ABCG1: variants seen among roughly 807,000 people sequenced by gnomAD.
The protein encoded by ABCG1 is ATP binding cassette subfamily G member 1.
ABCG1 carries 29 observed loss-of-function variants against 69.2 expected under a neutral mutation model. The ratio of observed to expected loss-of-function variants is 0.42; its 90% CI spans 0.31 to 0.57. The LOEUF (loss-of-function observed/expected upper bound fraction) is 0.57, where lower values mean the gene tolerates loss of function less well. ABCG1 is among the 20% of genes least tolerant of loss of function. The pLI is 0.15. For synonymous variants in ABCG1, 370 were observed against 374.8 expected, an observed-to-expected ratio of 0.99 and a Z score of 0.15; for missense variants, 718 against 898.1, an observed-to-expected ratio of 0.80 and a Z score of 2.56.
intron 2 of ABCG1, among the ~76,000 whole-genome samples, chr21:42,205,451 T>A (rs575037866): frequency 6.6e-6 from 1 of 152,134 alleles, no homozygotes; most frequent in East Asian, 1.9e-4. Context: ...ATACAAAAAT[T>A]AGCTGGGTGT....
intron 1 of ABCG1, among the ~76,000 whole-genome samples, chr21:42,220,297 T>G (rs1287038489): frequency 6.6e-6 from 1 of 152,216 alleles, no homozygotes; most frequent in Non-Finnish European, 1.5e-5. Context: ...AAGCCCACAG[T>G]GCATGGCACG....
At chr21:42,242,826 C>T (rs540499369) in intron 2 of ABCG1, among the ~76,000 whole-genome samples, 14 of 152,270 alleles carry the variant, frequency 9.2e-5, no homozygotes, top group East Asian at 5.8e-4. Context: ...GGCAATCAAG[C>T]GAGCTCCACC....
intron 13 of ABCG1, among the ~76,000 whole-genome samples, chr21:42,293,481 A>G (rs1308247372): frequency 1.4e-5 from 2 of 147,838 alleles, no homozygotes; most frequent in East Asian, 4.1e-4. Flanking sequence ...TACACACCAC[A>G]CCACACACTA....
At chr21:42,230,028 C>T (rs1428517033) in intron 2 of ABCG1, among the ~76,000 whole-genome samples, 4 of 152,162 alleles carry the variant, frequency 2.6e-5, no homozygotes, top group East Asian at 1.9e-4. Context: ...TGAAGTCCTA[C>T]GTAATTATTT....
chr21:42,211,059 A>G (rs1008877615), intron 2 of ABCG1, among the ~76,000 whole-genome samples: 2 of 149,378 alleles, frequency 1.3e-5, no homozygotes, highest in East Asian at 2.0e-4. Flanking sequence ...TCCCAGGTTC[A>G]TGCCATTCTC....
intron 6 of ABCG1, among the ~76,000 whole-genome samples, chr21:42,282,830 G>A (rs887268495): frequency 1.1e-4 from 16 of 152,192 alleles, no homozygotes; most frequent in Admixed American, 3.3e-4. Flanking sequence ...CTGCAGGACA[G>A]GATCCTGCCT....
upstream of ABCG1, among the ~76,000 whole-genome samples, chr21:42,215,451 A>T (rs1383987236): frequency 6.6e-6 from 1 of 152,192 alleles, no homozygotes; most frequent in Admixed American, 6.5e-5. Flanking sequence ...CTTCCCACAG[A>T]CCTAGACTTC....
At chr21:42,260,628 C>G (rs951123877) in intron 2 of ABCG1, among the ~76,000 whole-genome samples, 1 of 152,182 alleles carries the variant, frequency 6.6e-6, no homozygotes, top group African/African-American at 2.4e-5. Context: ...TACTTCCCCT[C>G]TCAGTCTTTG....
intron 2 of ABCG1, among the ~76,000 whole-genome samples, chr21:42,268,945 C>T (rs1287597058): frequency 6.6e-6 from 1 of 152,160 alleles, no homozygotes; most frequent in Non-Finnish European, 1.5e-5. Flanking sequence ...TGAGGGTCAG[C>T]CCCAGGCACT....
chr21:42,294,892 G>C, intron 14 of ABCG1: 1 of 519,840 alleles, frequency 1.9e-6, no homozygotes, highest in Non-Finnish European at 3.5e-6. Context: ...CACCCGGAGA[G>C]CCATGGCAGG....
chr21:42,247,250 G>A (rs1406022820), intron 2 of ABCG1, among the ~76,000 whole-genome samples: 1 of 152,166 alleles, frequency 6.6e-6, no homozygotes, highest in Non-Finnish European at 1.5e-5. Flanking sequence ...CAGTCTTGGG[G>A]AGGAAAAAGT....
chr21:42,275,248 G>T (rs1163988178), intron 4 of ABCG1, among the ~76,000 whole-genome samples: 2 of 152,142 alleles, frequency 1.3e-5, no homozygotes, highest in Non-Finnish European at 2.9e-5. Flanking sequence ...AGGAACCTGT[G>T]GGGCTGTTCC....
intron 2 of ABCG1, among the ~76,000 whole-genome samples, chr21:42,259,828 T>C (rs529174338): frequency 6.6e-6 from 1 of 152,230 alleles, no homozygotes; most frequent in East Asian, 1.9e-4. Context: ...CTCCTCCCTT[T>C]GGATGGAAGA....
Position 42,279,344 on chromosome 21 carries a change from G to A in ABCG1, c.588+2399G>A, listed in dbSNP as rs376691822. 3.5e-4 allele frequency among the ~76,000 whole-genome samples: 53 copies of A among 152,284 alleles called. 1 individual carries two copies. The highest frequency in any genetic ancestry group is 1.1e-3 in the African/African-American group (47 of 41,566). ...AGCAAACGGTGGAGAGGGTCTCGGG[G>A]ATCACCGGAGGCCGGGGGAGCAGAC... On this transcript the variant is annotated intron_variant, in intron 5 of 14. Transcript: ENST00000398449.
chr21:42,294,704 G>A (rs112456569), intron 14 of ABCG1, 44 bp downstream of exon 14: 17,793 of 1,568,034 alleles, frequency 0.011, 148 homozygotes, highest in Non-Finnish European at 0.013. Flanking sequence ...CGAGGGTGAC[G>A]GGGGAAGAAC....
At chr21:42,229,170 T>C (rs1262383532) in intron 2 of ABCG1, among the ~76,000 whole-genome samples, 1 of 152,210 alleles carries the variant, frequency 6.6e-6, no homozygotes, top group African/African-American at 2.4e-5. Context: ...TCACTCTGCA[T>C]TTCTCTCTTC....
In ABCG1 at chr21:42,290,078, A is replaced by G. The variant is rs761163025; in HGVS notation, c.1253A>G (p.His418Arg). ...SVLTHLRITS[H>R]IGIGLLIGLL... The stretch of plus-strand genomic sequence containing the variant: ...CTGACACACCTGCGCATCACCTCGC[A>G]CATTGGGATCGGCCTCCTCATTGGC... Residue 418 changes from histidine to arginine, a missense_variant, in exon 11 of 15, where the codon CAC becomes CGC. Transcript: ENST00000398449. 1.2e-6 allele frequency: 2 copies of G among 1,614,094 alleles called. No homozygotes were observed. The highest frequency in any genetic ancestry group is 1.7e-6 in the Non-Finnish European group (2 of 1,180,042).
intron 1 of ABCG1, among the ~76,000 whole-genome samples, chr21:42,200,089 G>A (rs1048643050): frequency 6.6e-6 from 1 of 152,226 alleles, no homozygotes; most frequent in Non-Finnish European, 1.5e-5. Flanking sequence ...CAGAGCCCAC[G>A]ACATGAGGGA....
chr21:42,246,749 G>A (rs376887921), intron 2 of ABCG1, among the ~76,000 whole-genome samples: 4 of 152,258 alleles, frequency 2.6e-5, no homozygotes, highest in East Asian at 3.9e-4. Context: ...AACCCAAGGC[G>A]CAGGCTGAGA....
Sources: allele counts gnomAD v4.1 joint callset (sites outside exome capture counted in the v4.1 genomes callset), GRCh38; gene constraint gnomAD v4.1.1; transcripts MANE v1.5; gene names NCBI Gene and HGNC (gene_info 2026-07-23, HGNC 2026-07-21).